Variants in ALDH7A1 observed in about 807,000 individuals in gnomAD.
ALDH7A1 encodes the protein aldehyde dehydrogenase 7 family member A1.
In ALDH7A1, 63 loss-of-function variants were observed where a neutral mutation model predicts 79.9. The observed-to-expected ratio is 0.79, with a 90% confidence interval of 0.64 to 0.97. ALDH7A1 has a LOEUF of 0.97. ALDH7A1 is among the 50% of genes least tolerant of loss of function. The pLI is 0.00. For synonymous variants in ALDH7A1, 240 were observed against 231.2 expected (o/e 1.04, Z -0.34); for missense variants, 627 against 665.2 (o/e 0.94, Z 0.63).
Position 126,582,970 on chromosome 5 carries a change from G to A in ALDH7A1, c.398C>T (p.Ser133Phe). Residue 133 changes from serine (S) to phenylalanine (F), a missense_variant, in exon 5 of 18, where the codon TCT becomes TTT. Transcript: ENST00000409134. ...EKIQVLGSLV[S>F]LEMGKILVEG... is the part of the protein sequence containing the mutation. ...CACTAAGATTTTCCCCATCTCCAAA[G>A]ACACCTAGAAATATAAAACGACAAG... The A allele has an allele frequency of 1.9e-6, 3 of 1,613,692 alleles. No homozygotes were observed. Among genetic ancestry groups the A allele is most frequent in the Non-Finnish European group, 2.5e-6 (3 of 1,179,870 alleles).
At chr5:126,552,338 A>T (rs1750029046) in intron 13 of ALDH7A1, among the ~76,000 whole-genome samples, 1 of 152,198 alleles carries the variant, frequency 6.6e-6, no homozygotes, top group Non-Finnish European at 1.5e-5. Flanking sequence ...GGTCAGAGAA[A>T]AATGGAAATA....
chr5:126,570,903 T>G lies in ALDH7A1; in HGVS notation c.696-44A>C, dbSNP rs746503427. The G allele has an allele frequency of 2.7e-5, 43 of 1,590,498 alleles. No individual in the cohort carries two copies. The East Asian group carries it at 9.6e-4, about 36-fold the overall frequency. On this transcript the variant is annotated intron_variant, in intron 7 of 17. Coordinates refer to ENST00000409134, the MANE Select transcript of ALDH7A1 (RefSeq NM_001182.5). ...TTACTGAGGCAATAATTTAAGGCAT[T>G]TTTTTAAAAACAAGGAATAAATTCC...
At chr5:126,567,354 T>C (rs1750616391) in intron 9 of ALDH7A1, among the ~76,000 whole-genome samples, 1 of 152,206 alleles carries the variant, frequency 6.6e-6, no homozygotes, top group Non-Finnish European at 1.5e-5. Flanking sequence ...AAAAATGGCC[T>C]TACTAAATAA....
intron 3 of ALDH7A1, among the ~76,000 whole-genome samples, chr5:126,589,343 A>G (rs558241259): frequency 1.2e-3 from 186 of 151,806 alleles, no homozygotes; most frequent in African/African-American, 4.3e-3. Context: ...TTTTAGTAGA[A>G]ACGGGGTTTC....
chr5:126,592,992 G>C (rs1487812299), intron 2 of ALDH7A1, among the ~76,000 whole-genome samples: 2 of 152,174 alleles, frequency 1.3e-5, no homozygotes. Flanking sequence ...AGGCATATTA[G>C]AAATGCAGAA....
intron 12 of ALDH7A1, chr5:126,554,665 CT>C: frequency 4.5e-5 from 20 of 443,186 alleles, no homozygotes; most frequent in Non-Finnish European, 5.0e-5. Context: ...TGCCGAGAAA[CT>C]TTTTTTTACA....
chr5:126,591,374 G>T (rs943192872), intron 3 of ALDH7A1, among the ~76,000 whole-genome samples: 3 of 151,758 alleles, frequency 2.0e-5, no homozygotes, highest in Non-Finnish European at 4.4e-5. Flanking sequence ...ACACAAAGAC[G>T]TATCTTGGCT....
intron 10 of ALDH7A1, 99 bp from the exon 11 acceptor site, chr5:126,559,433 G>GTT (rs1561654474): frequency 5.8e-5 from 33 of 569,728 alleles, no homozygotes; most frequent in Non-Finnish European, 7.3e-5. Flanking sequence ...TTTTGGTTTT[G>GTT]GTTTTTTTTT....
At position 126,544,890 on chromosome 5, in the gene ALDH7A1, C is replaced by T. The variant is rs1349923412; in HGVS notation, c.*75G>A. The T allele has an allele frequency of 6.9e-6, 9 of 1,305,902 alleles. No homozygotes were observed. The highest frequency in any genetic ancestry group is 9.9e-6 in the Non-Finnish European group (9 of 905,026). The allele number at this position is 1,305,902 out of a possible 1,614,324, so 80.9% of individuals were successfully genotyped here. On this transcript the variant is annotated 3_prime_UTR_variant, in exon 18 of 18. Coordinates refer to ENST00000409134, the MANE Select transcript of ALDH7A1 (RefSeq NM_001182.5). ...TAATAATGCATTTATTCAGGGAAAA[C>T]TTTAATTTTCTTTGTCTTCTCCAAA... is the stretch of plus-strand genomic sequence containing the variant.
At chr5:126,583,119 A>G in intron 4 of ALDH7A1, 145 bp from the exon 5 acceptor site, 1 of 1,022,090 alleles carries the variant, frequency 9.8e-7, no homozygotes, top group South Asian at 1.5e-5. Flanking sequence ...ATTTTAAAAC[A>G]CAACAATTGC....
intron 12 of ALDH7A1, chr5:126,554,673 T>A: frequency 2.3e-6 from 1 of 435,828 alleles, no homozygotes; most frequent in South Asian, 2.1e-5. Flanking sequence ...AACTTTTTTT[T>A]ACAGAAACAG....
intron 9 of ALDH7A1, among the ~76,000 whole-genome samples, chr5:126,567,046 G>T (rs1173895628): frequency 6.6e-6 from 1 of 152,138 alleles, no homozygotes; most frequent in African/African-American, 2.4e-5. Flanking sequence ...GCTTATACTG[G>T]TCCAAGCACA....
intron 13 of ALDH7A1, among the ~76,000 whole-genome samples, chr5:126,552,496 C>T (rs1415275817): frequency 6.6e-6 from 1 of 152,058 alleles, no homozygotes; most frequent in Non-Finnish European, 1.5e-5. Flanking sequence ...GGGTTCAAGC[C>T]ATCCTCCCAC....
chr5:126,589,333 T>A (rs1371569568), intron 3 of ALDH7A1, among the ~76,000 whole-genome samples: 3 of 151,934 alleles, frequency 2.0e-5, no homozygotes, highest in Admixed American at 2.0e-4. Flanking sequence ...AATTTTGTAT[T>A]TTTAGTAGAA....
chr5:126,595,143 G>C lies in ALDH7A1; in HGVS notation c.56C>G (p.Ser19Cys), dbSNP rs566243475. The C allele has an allele frequency of 6.4e-7, 1 of 1,564,386 alleles. No homozygotes were observed. The highest frequency in any genetic ancestry group is 1.4e-5 in the African/African-American group (1 of 73,554). ...GGCGGCAGGCCTGCTCCAAGGTCCAGAGAGCTTGCTGGTCTTTGCAGCGTG... is the reference window on the plus strand; with the variant it reads ...GGCGGCAGGCCTGCTCCAAGGTCCACAGAGCTTGCTGGTCTTTGCAGCGTG... ...CVHAAKTSKLSGPWSRPAAFM... is the reference protein window; with the variant it reads ...CVHAAKTSKLCGPWSRPAAFM... The change falls in exon 1 of 18, where the codon TCT becomes TGT. Residue 19 changes from serine (S) to cysteine (C), a missense_variant. Coordinates refer to ENST00000409134, the MANE Select transcript of ALDH7A1 (RefSeq NM_001182.5).
At chr5:126,575,021 CA>C (rs1273478104) in intron 7 of ALDH7A1, among the ~76,000 whole-genome samples, 1 of 152,152 alleles carries the variant, frequency 6.6e-6, no homozygotes, top group Non-Finnish European at 1.5e-5. Flanking sequence ...GTGTAATAAT[CA>C]GTTTTGTTAA....
At chr5:126,564,559 G>A in intron 9 of ALDH7A1, 1 of 1,248,342 alleles carries the variant, frequency 8.0e-7, no homozygotes, top group Non-Finnish European at 1.0e-6. Context: ...GAGCATATGT[G>A]ACAACAGCAG....
intron 3 of ALDH7A1, among the ~76,000 whole-genome samples, chr5:126,591,704 C>T (rs1751558307): frequency 6.6e-6 from 1 of 152,108 alleles, no homozygotes; most frequent in Non-Finnish European, 1.5e-5. Flanking sequence ...GTTGGGAAAT[C>T]AGGCTATCCT....
At chr5:126,574,141 T>C (rs1750881976) in intron 7 of ALDH7A1, among the ~76,000 whole-genome samples, 1 of 151,922 alleles carries the variant, frequency 6.6e-6, no homozygotes, top group Non-Finnish European at 1.5e-5. Flanking sequence ...CAGTGGCTCA[T>C]GCCCATCCCA....
Sources: gnomAD v4.1 joint callset for allele counts (sites outside exome capture counted in the v4.1 genomes callset) on GRCh38, gnomAD v4.1.1 for gene constraint, MANE v1.5 for transcripts, NCBI Gene and HGNC (gene_info 2026-07-23, HGNC 2026-07-21) for gene names.